The following CCDC60 variants were observed in gnomAD, a reference collection of about 807,000 sequenced individuals.
The protein encoded by CCDC60 is coiled-coil domain containing 60.
In CCDC60, 54 loss-of-function variants were observed where a neutral mutation model predicts 63.5. The observed-to-expected ratio is 0.85, with a 90% confidence interval of 0.68 to 1.07. The LOEUF is 1.07. Among genes scored for constraint, CCDC60 ranks in the 50% least tolerant of loss-of-function variants. The pLI is 0.00. For missense variants in CCDC60, 651 were observed against 684.3 expected (o/e 0.95, Z 0.54); for synonymous variants, 206 against 238.8 (o/e 0.86, Z 1.27).
chr12:119,439,003 A>C lies in CCDC60; in HGVS notation c.170+10241A>C, dbSNP rs184560993. ...AGCCCAGTAGCCCCACCTATCTTTA[A>C]TTAACTAGAGGACATCACTCCAGCA... is the stretch of plus-strand genomic sequence containing the variant. On this transcript the variant is annotated intron_variant, in intron 2 of 13. Coordinates refer to ENST00000327554, the MANE Select transcript of CCDC60 (RefSeq NM_178499.5). Among the ~76,000 whole-genome samples the C allele has an allele frequency of 2.4e-4, 36 of 152,234 alleles. 1 individual carries two copies. The highest frequency in any genetic ancestry group is 2.4e-3 in the Admixed American group (36 of 15,286).
At chr12:119,414,694 G>A (rs1956669206) in intron 1 of CCDC60, among the ~76,000 whole-genome samples, 2 of 152,102 alleles carry the variant, frequency 1.3e-5, no homozygotes, top group African/African-American at 4.8e-5. Flanking sequence ...AGGGCTACAG[G>A]TGCATGCCAC....
At chr12:119,515,484 C>T (rs1952331064) in intron 7 of CCDC60, among the ~76,000 whole-genome samples, 2 of 152,028 alleles carry the variant, frequency 1.3e-5, no homozygotes. Context: ...CCATGCCTAG[C>T]TAATCTTTTT....
chr12:119,401,665 T>C (rs545967188), intron 1 of CCDC60, among the ~76,000 whole-genome samples: 1 of 152,362 alleles, frequency 6.6e-6, no homozygotes, highest in Admixed American at 6.5e-5. Flanking sequence ...TTTTGGAAGG[T>C]TGAATTTATT....
At chr12:119,346,826 TTCTTTC>T (rs1423855657) in intron 1 of CCDC60, among the ~76,000 whole-genome samples, 3 of 126,440 alleles carry the variant, frequency 2.4e-5, no homozygotes, top group Non-Finnish European at 5.5e-5. Context: ...CTTTCTTTCT[TTCTTTC>T]TTTTTTTTTT....
At chr12:119,481,392 C>T (rs762763427) in intron 4 of CCDC60, among the ~76,000 whole-genome samples, 34 of 152,048 alleles carry the variant, frequency 2.2e-4, no homozygotes, top group Admixed American at 6.6e-5. Flanking sequence ...GCATCTGAAT[C>T]GTCTGGGGGT....
At chr12:119,356,309 A>T (rs1208161037) in intron 1 of CCDC60, among the ~76,000 whole-genome samples, 2 of 152,216 alleles carry the variant, frequency 1.3e-5, no homozygotes, top group Non-Finnish European at 2.9e-5. Context: ...TTCCCTAGGT[A>T]CTGCACCTTT....
intron 1 of CCDC60, among the ~76,000 whole-genome samples, chr12:119,425,028 G>T (rs1956877506): frequency 6.6e-6 from 1 of 151,816 alleles, no homozygotes. Flanking sequence ...AAAAAAAAAT[G>T]CTTGAATGTT....
At chr12:119,528,920 A>G (rs1464031915) in intron 12 of CCDC60, among the ~76,000 whole-genome samples, 174 bp downstream of exon 12, 1 of 152,094 alleles carries the variant, frequency 6.6e-6, no homozygotes, top group Non-Finnish European at 1.5e-5. Context: ...CCAGAGCACA[A>G]TCAGGCCCAA....
chr12:119,505,901 A>G (rs1951985759), intron 7 of CCDC60, among the ~76,000 whole-genome samples: 1 of 152,246 alleles, frequency 6.6e-6, no homozygotes, highest in African/African-American at 2.4e-5. Flanking sequence ...ACAGAACATT[A>G]TCATTTCAAT....
chr12:119,539,866 C>T (rs961196985), intron 13 of CCDC60, among the ~76,000 whole-genome samples: 4 of 152,178 alleles, frequency 2.6e-5, no homozygotes, highest in Admixed American at 1.3e-4. Flanking sequence ...ATGGGAAAAG[C>T]GTAGTATCTG....
intron 1 of CCDC60, among the ~76,000 whole-genome samples, chr12:119,380,490 G>A (rs1955997200): frequency 6.6e-6 from 1 of 152,216 alleles, no homozygotes; most frequent in Non-Finnish European, 1.5e-5. Flanking sequence ...CTCAGAGTTG[G>A]AAGGGATTTT....
chr12:119,417,690 G>C (rs1435802043), intron 1 of CCDC60, among the ~76,000 whole-genome samples: 3 of 152,134 alleles, frequency 2.0e-5, no homozygotes, highest in Non-Finnish European at 4.4e-5. Context: ...AAGAGGTACT[G>C]ACATAGCCAG....
chr12:119,392,257 G>A (rs1016742754), intron 1 of CCDC60, among the ~76,000 whole-genome samples: 1 of 152,144 alleles, frequency 6.6e-6, no homozygotes, highest in African/African-American at 2.4e-5. Flanking sequence ...CAGCAGACAT[G>A]GAAGAAGGCA....
Position 119,529,967 on chromosome 12 carries a change from G to C in CCDC60, c.1362-907G>C, listed in dbSNP as rs533749268. On this transcript the variant is annotated intron_variant, in intron 12 of 13. Coordinates refer to ENST00000327554, the MANE Select transcript of CCDC60 (RefSeq NM_178499.5). ...AGTCAAACAAACCACAGCGTCGTAA[G>C]GATGATGTTGAGTTGTAGTTGTTCA... Among the ~76,000 whole-genome samples the C allele has an allele frequency of 2.6e-5, 4 of 152,230 alleles. No individual in the cohort carries two copies. In the South Asian group the frequency reaches 8.3e-4, roughly 32 times the overall value.
chr12:119,494,366 AG>A lies in CCDC60; in HGVS notation c.557+5502del, dbSNP rs571107560. ...CCAGCAGGTACAGCACACACCTCAA[AG>A]GAGTTGTTCCAACAGGCTCGAGTCC... On this transcript the variant is annotated intron_variant, in intron 5 of 13. Coordinates refer to ENST00000327554, the MANE Select transcript of CCDC60 (RefSeq NM_178499.5). 5.9e-5 allele frequency among the ~76,000 whole-genome samples: 9 copies of A among 152,336 alleles called. No individual in the cohort carries two copies. In the South Asian group the frequency reaches 1.9e-3, roughly 32 times the overall value.
chr12:119,349,025 A>G (rs1240466164), intron 1 of CCDC60, among the ~76,000 whole-genome samples: 1 of 152,220 alleles, frequency 6.6e-6, no homozygotes, highest in Non-Finnish European at 1.5e-5. Context: ...CTACAGTGCT[A>G]AGAGGCAGGC....
At chr12:119,475,327 T>G (rs1951153059) in intron 3 of CCDC60, among the ~76,000 whole-genome samples, 1 of 152,246 alleles carries the variant, frequency 6.6e-6, no homozygotes, top group Admixed American at 6.5e-5. Flanking sequence ...CTTGGGTGTC[T>G]TGTTCCACTT....
intron 3 of CCDC60, among the ~76,000 whole-genome samples, chr12:119,472,973 A>T (rs1336076775): frequency 6.6e-6 from 1 of 152,228 alleles, no homozygotes; most frequent in Non-Finnish European, 1.5e-5. Context: ...TAATAGTAAT[A>T]ACCAAAATAA....
intron 7 of CCDC60, among the ~76,000 whole-genome samples, chr12:119,508,395 C>T (rs1952111874): frequency 6.6e-6 from 1 of 151,790 alleles, no homozygotes; most frequent in Admixed American, 6.6e-5. Flanking sequence ...GCAGGAGAAT[C>T]GCTTGAACCC....
Sources: gnomAD v4.1 joint callset for allele counts (sites outside exome capture counted in the v4.1 genomes callset) on GRCh38, gnomAD v4.1.1 for gene constraint, MANE v1.5 for transcripts, NCBI Gene and HGNC (gene_info 2026-07-23, HGNC 2026-07-21) for gene names.